SAMD5: variants seen among roughly 807,000 people sequenced by gnomAD.
SAMD5 encodes the protein sterile alpha motif domain containing 5.
A neutral mutation model predicts 11.3 loss-of-function variants in SAMD5; 13 were observed. The observed-to-expected ratio is 1.15, with a 90% CI of 0.75 to 1.83. The LOEUF is 1.83. Ranked by LOEUF, SAMD5 falls within the 40% of genes most tolerant of loss-of-function variation. The probability of loss-of-function intolerance (pLI) is 0.00; values close to 1 mark genes in which losing one functional copy is unlikely to be tolerated. For synonymous variants in SAMD5, 129 were observed against 111.3 expected (o/e 1.16, Z -1.00); for missense variants, 255 against 239.1 (o/e 1.07, Z -0.44).
the SAMD5 span, among the ~76,000 whole-genome samples, chr6:147,833,524 AT>A: frequency 6.6e-6 from 1 of 152,320 alleles, no homozygotes; most frequent in East Asian, 1.9e-4. Context: ...CCTTTGTAAT[AT>A]CCTTCTATAA....
At chr6:147,632,990 G>A (rs1790173853) in intron 1 of SAMD5, among the ~76,000 whole-genome samples, 1 of 152,094 alleles carries the variant, frequency 6.6e-6, no homozygotes, top group South Asian at 2.1e-4. Context: ...TGATGCCACA[G>A]GTGCTGTAGA....
At chr6:147,537,567 C>A (rs141405175) in intron 1 of SAMD5, among the ~76,000 whole-genome samples, 2,668 of 150,750 alleles carry the variant, frequency 0.018, 79 homozygotes, top group African/African-American at 0.062. Context: ...CCTGGCTAAC[C>A]CGGTGAAACC....
chr6:147,899,189 A>AAAAAAAAAAAAAAAAAAAAAACAAAAAG, the SAMD5 span, among the ~76,000 whole-genome samples: 1 of 123,458 alleles, frequency 8.1e-6, no homozygotes, highest in African/African-American at 3.8e-5. Flanking sequence ...AAAAAAAAAA[A>AAAAAAAAAAAAAAAAAAAAAACAAAAAG]AAAAGATAAC....
intron 1 of SAMD5, among the ~76,000 whole-genome samples, chr6:147,703,272 TG>T (rs1252591025): frequency 6.6e-6 from 1 of 152,078 alleles, no homozygotes; most frequent in Non-Finnish European, 1.5e-5. Flanking sequence ...TTCACCATGT[TG>T]GTTGGCCAGG....
At chr6:147,877,891 A>ATAGATAGATAGC in the SAMD5 span, among the ~76,000 whole-genome samples, 7 of 90,270 alleles carry the variant, frequency 7.8e-5, no homozygotes, top group African/African-American at 2.2e-4. Context: ...CGATAGATAG[A>ATAGATAGATAGC]TAGCTAGATA....
the SAMD5 span, among the ~76,000 whole-genome samples, chr6:147,746,606 A>G: frequency 6.6e-6 from 1 of 152,216 alleles, no homozygotes; most frequent in Non-Finnish European, 1.5e-5. Context: ...TTTAGTTAAA[A>G]TGAGGTCAAA....
rs529413491 is a variant in SAMD5 at position 147,528,573 on chromosome 6, T to C, written c.459+19186T>C. Among the ~76,000 whole-genome samples, 51 of 152,314 alleles carry C rather than the reference T, an allele frequency of 3.3e-4. No homozygotes were observed. The South Asian group carries it at 0.011, about 32-fold the overall frequency. On this transcript the variant is annotated intron_variant, in intron 1 of 1. Transcript: ENST00000367474. ...TTCTGAGGGTCAGGACTTCAACATA[T>C]TAACTTTAGGGGGATGCAGTTCACC...
chr6:147,606,524 G>C (rs183905637), intron 1 of SAMD5, among the ~76,000 whole-genome samples: 1 of 150,402 alleles, frequency 6.6e-6, no homozygotes, highest in Admixed American at 6.6e-5. Flanking sequence ...CTGCATTTTT[G>C]CTTTTTATTT....
the SAMD5 span, among the ~76,000 whole-genome samples, chr6:147,878,691 G>C: frequency 6.7e-6 from 1 of 148,510 alleles, no homozygotes; most frequent in African/African-American, 2.5e-5. Context: ...ATATTATCTA[G>C]TGTATAGATA....
intron 1 of SAMD5, among the ~76,000 whole-genome samples, chr6:147,623,481 G>T (rs892481467): frequency 2.6e-5 from 4 of 152,196 alleles, no homozygotes; most frequent in African/African-American, 9.7e-5. Flanking sequence ...TGTAAGAGGA[G>T]TTTGCTCTGC....
chr6:147,824,712 C>T, the SAMD5 span, among the ~76,000 whole-genome samples: 1 of 152,186 alleles, frequency 6.6e-6, no homozygotes, highest in Non-Finnish European at 1.5e-5. Context: ...GGAGAGAGTT[C>T]ATTTAAATCA....
In SAMD5 at chr6:147,566,263, A is replaced by T. The variant is rs1416209011; in HGVS notation, c.*1807A>T. On this transcript the variant is annotated 3_prime_UTR_variant, in exon 2 of 2. Coordinates refer to ENST00000367474, the MANE Select transcript of SAMD5 (RefSeq NM_001030060.3). ...TACAAAAGCTTTTAGTTTCATCAGG[A>T]TTATATTCCAGTTAACCTTTCATCT... is the stretch of plus-strand genomic sequence containing the variant. 1 of 977,008 alleles carries T rather than the reference A, an allele frequency of 1.0e-6. No homozygotes were observed. Among genetic ancestry groups the T allele is most frequent in the Non-Finnish European group, 1.2e-6 (1 of 822,382 alleles). The allele number at this position is 977,008 out of a possible 1,614,324, so 60.5% of individuals were successfully genotyped here.
the SAMD5 span, among the ~76,000 whole-genome samples, chr6:147,797,277 AG>A: frequency 2.1e-5 from 3 of 145,534 alleles, no homozygotes; most frequent in Admixed American, 6.9e-5. Flanking sequence ...TTTAGCATGA[AG>A]GGTTGTTGAA....
chr6:147,926,167 T>C, the SAMD5 span, among the ~76,000 whole-genome samples: 1 of 152,224 alleles, frequency 6.6e-6, no homozygotes, highest in Non-Finnish European at 1.5e-5. Flanking sequence ...TGTATCTTTA[T>C]AGTACAATGA....
intron 1 of SAMD5, among the ~76,000 whole-genome samples, chr6:147,643,010 T>C (rs918191758): frequency 6.6e-6 from 1 of 152,158 alleles, no homozygotes; most frequent in African/African-American, 2.4e-5. Context: ...TCCAAGAAAT[T>C]TAGCAAACTC....
At chr6:147,552,445 T>A (rs1788789477) in intron 1 of SAMD5, among the ~76,000 whole-genome samples, 1 of 152,184 alleles carries the variant, frequency 6.6e-6, no homozygotes, top group Non-Finnish European at 1.5e-5. Context: ...CTTCAGAAGA[T>A]ACCATTCCCC....
chr6:147,573,204 G>T (rs1789164485), downstream of SAMD5, among the ~76,000 whole-genome samples: 4 of 152,156 alleles, frequency 2.6e-5, no homozygotes, highest in African/African-American at 9.7e-5. Context: ...GTGTATATTA[G>T]TCCATTCTCA....
chr6:147,726,462 G>C (rs918265468), intron 1 of SAMD5, among the ~76,000 whole-genome samples: 4 of 152,210 alleles, frequency 2.6e-5, no homozygotes, highest in Non-Finnish European at 5.9e-5. Flanking sequence ...GGAAGATCAA[G>C]TCATGCTCCA....
the SAMD5 span, among the ~76,000 whole-genome samples, chr6:147,790,774 C>CTT: frequency 7.9e-5 from 4 of 50,330 alleles, no homozygotes; most frequent in African/African-American, 2.0e-4. Context: ...CTCTCTTTCT[C>CTT]TCTCTCTCTC....
Sources: allele counts gnomAD v4.1 joint callset (sites outside exome capture counted in the v4.1 genomes callset), GRCh38; gene constraint gnomAD v4.1.1; transcripts MANE v1.5; gene names NCBI Gene and HGNC (gene_info 2026-07-23, HGNC 2026-07-21).